The following OTUD7A variants were observed in gnomAD, a reference collection of about 807,000 sequenced individuals.
OTUD7A encodes the protein OTU deubiquitinase 7A, also known as OTU domain-containing protein 7A.
A neutral mutation model predicts 65.7 loss-of-function variants in OTUD7A; 12 were observed. That is an observed-to-expected ratio of 0.18 (90% CI 0.12 to 0.30). The LOEUF is 0.30. OTUD7A is among the 10% of genes least tolerant of loss of function. OTUD7A has a pLI of 1.00. For missense variants in OTUD7A, 1,148 were observed against 1,304.8 expected (o/e 0.88, Z 1.85); for synonymous variants, 641 against 586.3 (o/e 1.09, Z -1.35).
At chr15:31,779,199 C>T (rs1480943171) in intron 1 of OTUD7A, among the ~76,000 whole-genome samples, 6 of 152,202 alleles carry the variant, frequency 3.9e-5, no homozygotes, top group Non-Finnish European at 1.5e-5. Flanking sequence ...AGGCCAAGGG[C>T]ACCTCCTGGA....
In OTUD7A at chr15:31,667,657, T is replaced by C. The variant is rs376535960; in HGVS notation, c.-99-10580A>G. On this transcript the variant is annotated intron_variant, in intron 1 of 12. Coordinates refer to ENST00000307050, the MANE Select transcript of OTUD7A (RefSeq NM_001382637.1). ...TTATTATTGAGATGTGAGGTACCAT[T>C]GCATTCATTGTGCTATTTGTTGCCT... Among the ~76,000 whole-genome samples the C allele has an allele frequency of 2.3e-4, 35 of 152,358 alleles. 2 individuals are homozygous for C. Among genetic ancestry groups the C allele is most frequent in the African/African-American group, 8.4e-4 (35 of 41,590 alleles).
intron 1 of OTUD7A, among the ~76,000 whole-genome samples, chr15:31,799,706 T>C (rs183563169): frequency 2.8e-4 from 43 of 152,284 alleles, no homozygotes; most frequent in African/African-American, 9.1e-4. Context: ...GCCTCTTGCA[T>C]ATACCACTCA....
At chr15:31,565,002 T>G (rs911977822) in intron 4 of OTUD7A, among the ~76,000 whole-genome samples, 1 of 152,154 alleles carries the variant, frequency 6.6e-6, no homozygotes, top group Middle Eastern at 3.4e-3. Flanking sequence ...ATCTAAAAAA[T>G]TATGAATATA....
At chr15:31,486,742 C>CT (rs1016924358) in intron 12 of OTUD7A, among the ~76,000 whole-genome samples, 2 of 152,220 alleles carry the variant, frequency 1.3e-5, no homozygotes, top group African/African-American at 4.8e-5. Flanking sequence ...AGTTCCCTGG[C>CT]TTTTTTTGAG....
chr15:31,572,321 G>C (rs1022904086), intron 3 of OTUD7A, among the ~76,000 whole-genome samples: 18 of 152,094 alleles, frequency 1.2e-4, no homozygotes, highest in Admixed American at 1.1e-3. Flanking sequence ...CCTCCAAGCA[G>C]CAAGACAGTA....
intron 4 of OTUD7A, among the ~76,000 whole-genome samples, chr15:31,564,174 T>A (rs1888788047): frequency 6.6e-6 from 1 of 152,110 alleles, no homozygotes; most frequent in Admixed American, 6.5e-5. Context: ...TGTGAAAACA[T>A]CAGGTCAAGT....
At position 31,487,456 on chromosome 15, in the gene OTUD7A, C is replaced by T. The variant is rs1328086058; in HGVS notation, c.1282G>A (p.Ala428Thr). Residue 428 changes from alanine to threonine, a missense_variant, in exon 11 of 13, where the codon GCC (alanine) becomes ACC (threonine). By Grantham distance (58) the Ala-to-Thr change is moderately conservative. Around this residue, in one of 6 missense-constraint regions of OTUD7A, gnomAD observed 842 missense variants for 769.5 expected, o/e 1.09. Transcript: ENST00000307050. The surrounding 1 kb of genome is among the most constrained non-coding windows in gnomAD (Gnocchi z 6.0). ...AGGGACAGAGTAGGATCTTACTGGG[C>T]CAGCCGGGCGTTATCGTTGTCGTCT... The part of the protein sequence containing the change: ...GKDDNDNARL[A>T]HLILSLEAKL... 6.2e-7 allele frequency: 1 copy of T among 1,613,568 alleles called. No individual in the cohort carries two copies. The highest frequency in any genetic ancestry group is 8.5e-7 in the Non-Finnish European group (1 of 1,179,810).
intron 1 of OTUD7A, among the ~76,000 whole-genome samples, chr15:31,675,052 T>C (rs34843034): frequency 6.6e-6 from 1 of 151,334 alleles, no homozygotes; most frequent in Admixed American, 6.6e-5. Flanking sequence ...TCCTAATTGA[T>C]AGACAAAGGT....
At chr15:31,673,244 C>T (rs1400643638) in intron 1 of OTUD7A, among the ~76,000 whole-genome samples, 2 of 152,192 alleles carry the variant, frequency 1.3e-5, no homozygotes, top group Non-Finnish European at 2.9e-5. Flanking sequence ...ATCCTAAGTC[C>T]AACCATTCTA....
chr15:31,860,665 A>C (rs1897702668), intron 1 of OTUD7A, among the ~76,000 whole-genome samples: 1 of 92,408 alleles, frequency 1.1e-5, no homozygotes, highest in Non-Finnish European at 2.2e-5. Context: ...GTGTATATAT[A>C]GATGTATGTG....
chr15:31,567,591 T>A (rs944583520), intron 4 of OTUD7A, among the ~76,000 whole-genome samples: 1 of 152,206 alleles, frequency 6.6e-6, no homozygotes, highest in African/African-American at 2.4e-5. Flanking sequence ...GATATTTGCA[T>A]GACGAAAAGG....
intron 1 of OTUD7A, among the ~76,000 whole-genome samples, chr15:31,714,873 C>T (rs1431826605): frequency 3.9e-5 from 6 of 152,104 alleles, no homozygotes; most frequent in African/African-American, 1.2e-4. Flanking sequence ...TGGTGGCTCA[C>T]GCCTATAATC....
intron 3 of OTUD7A, among the ~76,000 whole-genome samples, chr15:31,616,276 C>T (rs1021873209): frequency 1.3e-5 from 2 of 152,172 alleles, no homozygotes; most frequent in East Asian, 1.9e-4. Context: ...ACTGGCCTGT[C>T]GCATCCTTAC....
At chr15:31,537,440 A>G (rs1336656576) in intron 5 of OTUD7A, among the ~76,000 whole-genome samples, 3 of 152,218 alleles carry the variant, frequency 2.0e-5, no homozygotes, top group African/African-American at 7.2e-5. Flanking sequence ...ACAAATTGGT[A>G]TATTCTTACC....
intron 3 of OTUD7A, among the ~76,000 whole-genome samples, chr15:31,648,689 G>C (rs1891748694): frequency 6.6e-6 from 1 of 152,106 alleles, no homozygotes; most frequent in Non-Finnish European, 1.5e-5. Context: ...TGTCTTTTTA[G>C]GTCAAACCAA....
At chr15:31,507,474 T>TTG (rs2041595269) in intron 8 of OTUD7A, among the ~76,000 whole-genome samples, 1 of 152,204 alleles carries the variant, frequency 6.6e-6, no homozygotes, top group South Asian at 2.1e-4. Context: ...TCCAGTGGCT[T>TTG]TGTGGTCTCA....
At chr15:31,617,905 T>A (rs1295604576) in intron 3 of OTUD7A, among the ~76,000 whole-genome samples, 7 of 152,070 alleles carry the variant, frequency 4.6e-5, no homozygotes, top group Admixed American at 4.6e-4. Flanking sequence ...ATTACGCATA[T>A]CTCCTAATGC....
At chr15:31,680,321 A>C (rs2338932) in intron 1 of OTUD7A, among the ~76,000 whole-genome samples, 4 of 152,164 alleles carry the variant, frequency 2.6e-5, no homozygotes, top group Admixed American at 6.5e-5. Context: ...GAACACTCTA[A>C]TTATGTGTAC....
intron 3 of OTUD7A, among the ~76,000 whole-genome samples, chr15:31,598,651 G>A (rs2141207881): frequency 6.6e-6 from 1 of 152,254 alleles, no homozygotes; most frequent in East Asian, 1.9e-4. Context: ...ACACCAGAGA[G>A]ACAGAACAGT....
Sources: gnomAD v4.1 joint callset for allele counts (sites outside exome capture counted in the v4.1 genomes callset) on GRCh38, gnomAD v4.1.1 for gene constraint, gnomAD v4.1.1 regional missense constraint, Gnocchi (gnomAD v3.1) non-coding constraint, MANE v1.5 for transcripts, NCBI Gene and HGNC (gene_info 2026-07-23, HGNC 2026-07-21) for gene names.